MGMT: variants seen among roughly 807,000 people sequenced by gnomAD.
MGMT encodes the protein O-6-methylguanine-DNA methyltransferase, also known as methylated-DNA--protein-cysteine methyltransferase.
In MGMT, 14 loss-of-function variants were observed where a neutral mutation model predicts 15.9. The observed-to-expected ratio is 0.88, with a 90% CI of 0.58 to 1.37. MGMT has a LOEUF of 1.37. Ranked by LOEUF, MGMT falls within the 40% of genes most tolerant of loss-of-function variation. The pLI is 0.00. For synonymous variants in MGMT, 130 were observed against 118.2 expected (o/e 1.10, Z -0.65); for missense variants, 282 against 268.1 (o/e 1.05, Z -0.36).
chr10:129,508,037 T>C lies in MGMT; in HGVS notation c.-12-28204T>C, dbSNP rs77372533. ...GTGACATTTTTGTTTTTGAGGAGTC[T>C]CCCATTTCCTTCTCTCACCAAGTTA... On this transcript the variant is annotated intron_variant, in intron 1 of 4. Transcript: ENST00000651593. Among the ~76,000 whole-genome samples the C allele has an allele frequency of 5.0e-3, 761 of 152,254 alleles. 11 individuals are homozygous for C. The highest frequency in any genetic ancestry group is 0.018 in the African/African-American group (735 of 41,546).
intron 2 of MGMT, among the ~76,000 whole-genome samples, chr10:129,638,635 A>T (rs1217090096): frequency 1.3e-5 from 2 of 152,094 alleles, no homozygotes; most frequent in Non-Finnish European, 2.9e-5. Flanking sequence ...TCAGCGTATT[A>T]AAGGAAAATA....
intron 2 of MGMT, among the ~76,000 whole-genome samples, chr10:129,550,333 A>G (rs1426683866): frequency 7.1e-6 from 1 of 141,494 alleles, no homozygotes; most frequent in Non-Finnish European, 1.6e-5. Flanking sequence ...GCCGCCCAGC[A>G]CCGGCATGTT....
intron 2 of MGMT, among the ~76,000 whole-genome samples, chr10:129,683,333 A>G (rs1434547473): frequency 6.6e-6 from 1 of 152,218 alleles, no homozygotes; most frequent in Admixed American, 6.5e-5. Context: ...TTTAGGAAAG[A>G]AAGGAAACTC....
intron 1 of MGMT, among the ~76,000 whole-genome samples, chr10:129,531,044 T>A (rs979547997): frequency 6.6e-6 from 1 of 152,162 alleles, no homozygotes; most frequent in African/African-American, 2.4e-5. Flanking sequence ...TGGGGTGCTG[T>A]CAGGGTTGCA....
chr10:129,504,578 G>A (rs1366816348), intron 1 of MGMT, among the ~76,000 whole-genome samples: 2 of 152,126 alleles, frequency 1.3e-5, no homozygotes, highest in African/African-American at 4.8e-5. Flanking sequence ...TTTAAATGTC[G>A]ATAGCTCCCA....
At chr10:129,677,653 G>A (rs1046580709) in intron 2 of MGMT, among the ~76,000 whole-genome samples, 1 of 152,198 alleles carries the variant, frequency 6.6e-6, no homozygotes, top group East Asian at 1.9e-4. Flanking sequence ...CTGCCTCCTC[G>A]TCCCTGCTCT....
chr10:129,564,805 G>A (rs989905512), intron 2 of MGMT, among the ~76,000 whole-genome samples: 1 of 151,158 alleles, frequency 6.6e-6, no homozygotes, highest in African/African-American at 2.4e-5. Context: ...CTCTTTTCTG[G>A]GGACTGGCTC....
intron 2 of MGMT, among the ~76,000 whole-genome samples, chr10:129,666,029 T>C (rs550114480): frequency 3.3e-5 from 5 of 152,230 alleles, no homozygotes; most frequent in East Asian, 1.9e-4. Flanking sequence ...ATGTGTGATA[T>C]ACCCAAAGTA....
intron 2 of MGMT, among the ~76,000 whole-genome samples, chr10:129,669,586 A>G (rs60972226): frequency 6.6e-6 from 1 of 152,066 alleles, no homozygotes; most frequent in South Asian, 2.1e-4. Context: ...CTGCAGATTA[A>G]TAATTTCCAA....
intron 2 of MGMT, 62 bp from the exon 3 acceptor site, chr10:129,707,833 C>T: frequency 6.2e-7 from 1 of 1,602,472 alleles, no homozygotes. Flanking sequence ...TAGGTGTTTG[C>T]TTTTCCGATG....
chr10:129,482,985 G>A (rs1037368213), intron 1 of MGMT, among the ~76,000 whole-genome samples: 6 of 152,048 alleles, frequency 3.9e-5, no homozygotes, highest in South Asian at 2.1e-4. Flanking sequence ...TCCATCTTCC[G>A]TAGCTTCTTT....
At chr10:129,765,163 G>A (rs921190635) in intron 4 of MGMT, among the ~76,000 whole-genome samples, 6 of 152,060 alleles carry the variant, frequency 3.9e-5, no homozygotes, top group African/African-American at 1.4e-4. Context: ...AGATGTCCTG[G>A]CCCCTTAGTG....
intron 2 of MGMT, chr10:129,701,442 T>C (rs1848098611): frequency 6.6e-6 from 1 of 152,174 alleles, no homozygotes; most frequent in Non-Finnish European, 1.5e-5. Flanking sequence ...CCGATTTTCT[T>C]AAATCAAACA....
chr10:129,736,838 T>G (rs1420632171), intron 3 of MGMT, among the ~76,000 whole-genome samples: 1 of 152,186 alleles, frequency 6.6e-6, no homozygotes, highest in Non-Finnish European at 1.5e-5. Context: ...TGGCTGGATA[T>G]GAAATTCTGG....
At chr10:129,748,148 C>T (rs1340469759) in intron 3 of MGMT, among the ~76,000 whole-genome samples, 6 of 152,200 alleles carry the variant, frequency 3.9e-5, no homozygotes, top group Non-Finnish European at 8.8e-5. Context: ...GAGTTACGCT[C>T]CTTGAAGACA....
chr10:129,550,670 T>A (rs1846147114), intron 2 of MGMT, among the ~76,000 whole-genome samples: 2 of 152,132 alleles, frequency 1.3e-5, no homozygotes. Flanking sequence ...GGTCTCGATC[T>A]CCTGACCTCA....
At chr10:129,687,042 C>A (rs12219606) in intron 2 of MGMT, among the ~76,000 whole-genome samples, 57,720 of 152,046 alleles carry the variant, frequency 0.38, 11,595 homozygotes, top group East Asian at 0.56. Flanking sequence ...CTCTGTTGCA[C>A]TCACCCTCCC....
At chr10:129,724,076 C>G (rs1848405614) in intron 3 of MGMT, among the ~76,000 whole-genome samples, 1 of 152,186 alleles carries the variant, frequency 6.6e-6, no homozygotes, top group South Asian at 2.1e-4. Flanking sequence ...CAAGAGTGTT[C>G]ACAGCAGCTT....
Position 129,767,459 on chromosome 10 carries a change from C to G in MGMT, c.*462C>G, listed in dbSNP as rs1251353862. 6.5e-6 allele frequency: 1 copy of G among 154,198 alleles called. No homozygotes were observed. 9.6% of individuals were successfully genotyped at this position (154,198 alleles called of 1,614,324 possible). On this transcript the variant is annotated 3_prime_UTR_variant, in exon 5 of 5. Transcript: ENST00000651593. ...TTCTCCACTCAGCAGTTCCTAGCAT[C>G]CCACACCCAGGTCTCACTGAAAGAA...
Sources: allele counts gnomAD v4.1 joint callset (sites outside exome capture counted in the v4.1 genomes callset), GRCh38; gene constraint gnomAD v4.1.1; transcripts MANE v1.5; gene names NCBI Gene and HGNC (gene_info 2026-07-23, HGNC 2026-07-21).